The following ZBTB16 variants were observed in gnomAD, a reference collection of about 807,000 sequenced individuals.
The protein encoded by ZBTB16 is zinc finger and BTB domain containing 16.
A neutral mutation model predicts 56.8 loss-of-function variants in ZBTB16; 8 were observed. The observed-to-expected ratio is 0.14, with a 90% CI of 0.08 to 0.25. The LOEUF is 0.25. ZBTB16 is among the 10% of genes least tolerant of loss of function. ZBTB16 has a pLI of 1.00. For synonymous variants in ZBTB16, 363 were observed against 368.5 expected, an observed-to-expected ratio of 0.98 and a Z score of 0.17; for missense variants, 625 against 903.0, an observed-to-expected ratio of 0.69 and a Z score of 3.95.
chr11:114,186,207 C>T lies in ZBTB16; in HGVS notation c.1367-745C>T, dbSNP rs191845980. Among the ~76,000 whole-genome samples, 1,095 of 152,072 alleles carry T rather than the reference C, an allele frequency of 7.2e-3. 15 individuals are homozygous for T. Among genetic ancestry groups the T allele is most frequent in the African/African-American group, 0.023 (965 of 41,454 alleles). Reference sequence around the variant, plus strand: ...AGGAGCTCCAACTGCACCATAGCAGCCAGAGAAGCATGGGAGAATGTCAGA... The same window carrying T: ...AGGAGCTCCAACTGCACCATAGCAGTCAGAGAAGCATGGGAGAATGTCAGA... On this transcript the variant is annotated intron_variant, in intron 3 of 6. Coordinates refer to ENST00000335953, the MANE Select transcript of ZBTB16 (RefSeq NM_006006.6).
At chr11:114,184,921 C>T (rs1437065210) in intron 3 of ZBTB16, among the ~76,000 whole-genome samples, 1 of 152,106 alleles carries the variant, frequency 6.6e-6, no homozygotes. Flanking sequence ...CCTGGAATCC[C>T]CCAGCACTTT....
chr11:114,069,143 T>A (rs1939234931), intron 2 of ZBTB16, among the ~76,000 whole-genome samples: 1 of 152,206 alleles, frequency 6.6e-6, no homozygotes, highest in Non-Finnish European at 1.5e-5. Context: ...TGGAGTGCAG[T>A]GGCGCGATCT....
At chr11:114,134,657 G>T (rs184552885) in intron 2 of ZBTB16, among the ~76,000 whole-genome samples, 22 of 152,302 alleles carry the variant, frequency 1.4e-4, no homozygotes, top group Middle Eastern at 6.8e-3. Context: ...TGAAGTTGAT[G>T]GGTGGGAGAT....
At chr11:114,155,233 G>A (rs1942378545) in intron 2 of ZBTB16, among the ~76,000 whole-genome samples, 1 of 152,234 alleles carries the variant, frequency 6.6e-6, no homozygotes, top group South Asian at 2.1e-4. Flanking sequence ...GAGGGCCAAG[G>A]CCCCTGGGGA....
At chr11:114,235,455 T>C (rs1010001889) in intron 4 of ZBTB16, among the ~76,000 whole-genome samples, 1 of 152,340 alleles carries the variant, frequency 6.6e-6, no homozygotes, top group African/African-American at 2.4e-5. Flanking sequence ...ATTAAAGAGA[T>C]AATTGGTATG....
At chr11:114,123,004 G>A (rs1451875910) in intron 2 of ZBTB16, among the ~76,000 whole-genome samples, 1 of 152,168 alleles carries the variant, frequency 6.6e-6, no homozygotes, top group African/African-American at 2.4e-5. Flanking sequence ...TTGGTGTCTG[G>A]GGAGGGCTCT....
At chr11:114,192,106 C>T (rs1943508689) in intron 4 of ZBTB16, among the ~76,000 whole-genome samples, 1 of 152,142 alleles carries the variant, frequency 6.6e-6, no homozygotes, top group Non-Finnish European at 1.5e-5. Context: ...ATGGCTGGAG[C>T]TGGTGTCATC....
intron 3 of ZBTB16, among the ~76,000 whole-genome samples, chr11:114,186,268 G>A (rs947755129): frequency 2.0e-5 from 2 of 97,946 alleles, no homozygotes; most frequent in Non-Finnish European, 4.3e-5. Flanking sequence ...CACAGGCCTA[G>A]CAATGGGAAG....
At chr11:114,146,048 T>C (rs1273371523) in intron 2 of ZBTB16, among the ~76,000 whole-genome samples, 1 of 152,104 alleles carries the variant, frequency 6.6e-6, no homozygotes, top group African/African-American at 2.4e-5. Flanking sequence ...GGGCTGTGGG[T>C]CAGGAGCAGC....
At chr11:114,093,394 T>C (rs1940264611) in intron 2 of ZBTB16, among the ~76,000 whole-genome samples, 1 of 152,106 alleles carries the variant, frequency 6.6e-6, no homozygotes. Context: ...CTTTTCAGCC[T>C]TTTGTTCCCC....
intron 2 of ZBTB16, among the ~76,000 whole-genome samples, chr11:114,145,232 G>A (rs1942069654): frequency 1.3e-5 from 2 of 152,220 alleles, no homozygotes; most frequent in African/African-American, 2.4e-5. Flanking sequence ...AAATGGTATA[G>A]CTGCTTTGGA....
chr11:114,157,690 C>T (rs1002475554), intron 3 of ZBTB16, among the ~76,000 whole-genome samples: 3 of 152,136 alleles, frequency 2.0e-5, no homozygotes. Context: ...CATGTGGTTC[C>T]GCATTGTGTT....
intron 4 of ZBTB16, among the ~76,000 whole-genome samples, chr11:114,206,557 G>A (rs573244321): frequency 9.0e-4 from 137 of 152,332 alleles, no homozygotes; most frequent in African/African-American, 3.2e-3. Context: ...GGCCTGAGGA[G>A]CCCCCATAGC....
chr11:114,155,471 G>A (rs947475783), intron 2 of ZBTB16, among the ~76,000 whole-genome samples: 20 of 151,764 alleles, frequency 1.3e-4, no homozygotes, highest in African/African-American at 4.9e-4. Context: ...GTTGGGGGTT[G>A]GGAGTTGGGA....
At chr11:114,066,403 T>G (rs937956545) in intron 2 of ZBTB16, among the ~76,000 whole-genome samples, 2 of 152,252 alleles carry the variant, frequency 1.3e-5, no homozygotes, top group Non-Finnish European at 2.9e-5. Flanking sequence ...TGTTTGTTTT[T>G]GCTCAAACTT....
At chr11:114,188,555 T>G (rs991655011) in intron 4 of ZBTB16, 5 of 152,124 alleles carry the variant, frequency 3.3e-5, no homozygotes, top group Admixed American at 1.3e-4. Context: ...TTTCATGGAG[T>G]GTTTGGCTCA....
intron 4 of ZBTB16, chr11:114,237,471 A>G (rs184882846): frequency 1.1e-4 from 16 of 152,328 alleles, no homozygotes; most frequent in Admixed American, 3.3e-4. Flanking sequence ...ACCAGGCCTG[A>G]CGTCTCTCCA....
Position 114,063,256 on chromosome 11 carries a change from G to A in ZBTB16, c.-45G>A, listed in dbSNP as rs534339872. The A allele has an allele frequency of 6.6e-5, 106 of 1,608,174 alleles. 1 individual carries two copies. The South Asian group carries it at 1.1e-3, about 17-fold the overall frequency. The stretch of plus-strand genomic sequence containing the variant: ...AGCCCACCCAGCCCCGCCACGCAGA[G>A]CCCAGAAGGAAAGAAAGCCTCATGC... On this transcript the variant is annotated 5_prime_UTR_variant, in exon 2 of 7. Transcript: ENST00000335953. The surrounding 1 kb of genome is among the most constrained non-coding windows in gnomAD (Gnocchi z 6.5).
intron 2 of ZBTB16, among the ~76,000 whole-genome samples, chr11:114,094,453 A>G (rs1940306819): frequency 6.6e-6 from 1 of 152,212 alleles, no homozygotes; most frequent in South Asian, 2.1e-4. Context: ...AGGTTTCTCT[A>G]ATTGATGAAG....
Sources: gnomAD v4.1 joint callset for allele counts (sites outside exome capture counted in the v4.1 genomes callset) on GRCh38, gnomAD v4.1.1 for gene constraint, Gnocchi (gnomAD v3.1) non-coding constraint, MANE v1.5 for transcripts, NCBI Gene and HGNC (gene_info 2026-07-23, HGNC 2026-07-21) for gene names.